The following GRB14 variants were observed in gnomAD, a reference collection of about 807,000 sequenced individuals.
The protein encoded by GRB14 is growth factor receptor-bound protein 14.
Under a neutral mutation model 69.1 loss-of-function variants are expected in GRB14, and 38 were observed. That is an observed-to-expected ratio of 0.55 (90% confidence interval 0.42 to 0.72). The LOEUF is 0.72. GRB14 is among the 30% of genes least tolerant of loss of function. GRB14 has a pLI of 0.00. For missense variants in GRB14, 666 were observed against 666.1 expected, an observed-to-expected ratio of 1.00 and a Z score of 0.00; for synonymous variants, 247 against 241.3, an observed-to-expected ratio of 1.02 and a Z score of -0.22.
chr2:164,586,713 G>A (rs925211523), intron 2 of GRB14, among the ~76,000 whole-genome samples: 2 of 152,142 alleles, frequency 1.3e-5, no homozygotes, highest in African/African-American at 4.8e-5. Flanking sequence ...CACTTTAAGA[G>A]CCAGAAGTCT....
intron 3 of GRB14, among the ~76,000 whole-genome samples, chr2:164,532,148 T>C (rs2105294305): frequency 6.6e-6 from 1 of 152,296 alleles, no homozygotes; most frequent in African/African-American, 2.4e-5. Context: ...GGAGTGAAGG[T>C]AGGTCTAAAC....
chr2:164,603,288 T>C lies in GRB14; in HGVS notation c.324+16399A>G, dbSNP rs1689965626. 1.3e-5 allele frequency among the ~76,000 whole-genome samples: 2 copies of C among 152,284 alleles called. 1 individual carries two copies. The highest frequency in any genetic ancestry group is 6.8e-3 in the Middle Eastern group (2 of 294). On this transcript the variant is annotated intron_variant, in intron 2 of 13. Coordinates refer to ENST00000263915, the MANE Select transcript of GRB14 (RefSeq NM_004490.3). ...TGGTGCTAGTATGAATGGATGGTCA[T>C]TGGATAAAAAATCAAATTCCTATCC...
intron 3 of GRB14, among the ~76,000 whole-genome samples, chr2:164,533,055 T>G (rs552360242): frequency 5.9e-5 from 9 of 152,130 alleles, no homozygotes; most frequent in African/African-American, 2.2e-4. Flanking sequence ...TGAGCCCAAG[T>G]TGATGTTCTT....
intron 13 of GRB14, among the ~76,000 whole-genome samples, chr2:164,494,091 A>G (rs1342410383): frequency 1.3e-5 from 2 of 152,246 alleles, no homozygotes; most frequent in Non-Finnish European, 2.9e-5. Context: ...AAAAGGCTTT[A>G]AAGTAATGTT....
intron 2 of GRB14, chr2:164,568,325 A>T: frequency 7.8e-7 from 1 of 1,288,520 alleles, no homozygotes; most frequent in African/African-American, 1.5e-5. Context: ...CCTTTTCTGT[A>T]GAATTATTGG....
In GRB14 at chr2:164,547,758, A is replaced by T; in HGVS notation, c.383T>A (p.Ile128Lys). The T allele has an allele frequency of 6.2e-7, 1 of 1,613,694 alleles. No homozygotes were observed. Among genetic ancestry groups the T allele is most frequent in the South Asian group, 1.1e-5 (1 of 91,064 alleles). ...CAGCTGACAAACATCTCGAGCCGTT[A>T]TGTCACTGGGTACATCTAAAGCCCT... is the stretch of plus-strand genomic sequence containing the variant. ...TSRALDVPSD[I>K]TARDVCQLLI... The change falls in exon 3 of 14, where the codon ATA becomes AAA. Residue 128 changes from isoleucine to lysine, a missense_variant. Coordinates refer to ENST00000263915, the MANE Select transcript of GRB14 (RefSeq NM_004490.3).
At position 164,574,678 on chromosome 2, in the gene GRB14, G is replaced by A. The variant is rs566860908; in HGVS notation, c.325-26862C>T. ...TTGATCGTTAGGCATGGTGGCTTAT[G>A]CCTGTAATCCCAGCCATTTGGGAGG... On this transcript the variant is annotated intron_variant, in intron 2 of 13. Transcript: ENST00000263915. Among the ~76,000 whole-genome samples the A allele has an allele frequency of 2.0e-5, 3 of 152,146 alleles. No individual in the cohort carries two copies. In the East Asian group the frequency reaches 5.8e-4, roughly 29 times the overall value.
intron 2 of GRB14, among the ~76,000 whole-genome samples, chr2:164,606,640 A>G (rs1690047370): frequency 6.6e-6 from 1 of 152,190 alleles, no homozygotes; most frequent in Non-Finnish European, 1.5e-5. Context: ...AAATGAGGTC[A>G]TTAAAACAAA....
chr2:164,514,178 C>G (rs1264847397), intron 6 of GRB14, among the ~76,000 whole-genome samples: 1 of 152,100 alleles, frequency 6.6e-6, no homozygotes, highest in Non-Finnish European at 1.5e-5. Context: ...CACAAAATAA[C>G]TAAAGAGAAG....
chr2:164,520,869 G>A (rs1443842309), intron 6 of GRB14, among the ~76,000 whole-genome samples: 1 of 152,134 alleles, frequency 6.6e-6, no homozygotes, highest in Non-Finnish European at 1.5e-5. Flanking sequence ...AGTAGATGTT[G>A]GTGTGGATGT....
intron 8 of GRB14, among the ~76,000 whole-genome samples, chr2:164,506,143 C>T (rs144627096): frequency 6.4e-4 from 97 of 152,276 alleles, no homozygotes; most frequent in African/African-American, 2.2e-3. Context: ...GAGTACCAGC[C>T]TCTTTATCTG....
chr2:164,598,858 T>C (rs1689847858), intron 2 of GRB14, among the ~76,000 whole-genome samples: 1 of 152,220 alleles, frequency 6.6e-6, no homozygotes, highest in African/African-American at 2.4e-5. Flanking sequence ...ACCATCTACT[T>C]TTCTCTCCAG....
intron 2 of GRB14, among the ~76,000 whole-genome samples, chr2:164,597,914 C>A (rs1305387131): frequency 6.6e-6 from 1 of 151,988 alleles, no homozygotes; most frequent in Non-Finnish European, 1.5e-5. Context: ...AGCAAGTAAA[C>A]CAGTCCCTAG....
chr2:164,531,177 C>A (rs1687926021), intron 3 of GRB14, among the ~76,000 whole-genome samples: 2 of 152,190 alleles, frequency 1.3e-5, no homozygotes, highest in African/African-American at 4.8e-5. Flanking sequence ...GCAAGACAAA[C>A]TGGAGGGACA....
At chr2:164,569,592 C>T (rs1449654092) in intron 2 of GRB14, among the ~76,000 whole-genome samples, 2 of 152,092 alleles carry the variant, frequency 1.3e-5, no homozygotes, top group Admixed American at 6.5e-5. Flanking sequence ...CTTTCCATTT[C>T]GTTATCTTGA....
At chr2:164,568,047 T>C (rs763036583) in intron 2 of GRB14, among the ~76,000 whole-genome samples, 1 of 152,170 alleles carries the variant, frequency 6.6e-6, no homozygotes, top group Non-Finnish European at 1.5e-5. Flanking sequence ...AAAGTTTCAA[T>C]ACAGTCTCTA....
At chr2:164,508,935 G>A (rs1157734509) in intron 6 of GRB14, 83 bp from the exon 7 acceptor site, 4 of 837,360 alleles carry the variant, frequency 4.8e-6, no homozygotes, top group South Asian at 4.1e-5. Flanking sequence ...TATACCTTGG[G>A]CAAAAACTTA....
At chr2:164,550,526 A>G (rs936039085) in intron 2 of GRB14, among the ~76,000 whole-genome samples, 7 of 152,226 alleles carry the variant, frequency 4.6e-5, no homozygotes, top group Non-Finnish European at 8.8e-5. Context: ...CTCTCTTACA[A>G]TGATATAAAG....
Position 164,595,379 on chromosome 2 carries a change from C to T in GRB14, c.324+24308G>A, listed in dbSNP as rs73971058. Among the ~76,000 whole-genome samples the T allele has an allele frequency of 3.6e-3, 546 of 152,268 alleles. 3 individuals carry two copies. Among genetic ancestry groups the T allele is most frequent in the African/African-American group, 0.012 (518 of 41,558 alleles). On this transcript the variant is annotated intron_variant, in intron 2 of 13. Coordinates refer to ENST00000263915, the MANE Select transcript of GRB14 (RefSeq NM_004490.3). ...TATTGGGGCACAGATGTTATACATG[C>T]TATGAAAACAAACAAACACAATGGA...
Sources: allele counts gnomAD v4.1 joint callset (sites outside exome capture counted in the v4.1 genomes callset), GRCh38; gene constraint gnomAD v4.1.1; transcripts MANE v1.5; gene names NCBI Gene and HGNC (gene_info 2026-07-23, HGNC 2026-07-21).